HHAT: variants seen among roughly 807,000 people sequenced by gnomAD.
HHAT encodes the protein protein-cysteine N-palmitoyltransferase HHAT.
HHAT carries 47 observed loss-of-function variants against 70.8 expected under a neutral mutation model. The observed-to-expected ratio is 0.66, with a 90% CI of 0.53 to 0.85. The LOEUF (loss-of-function observed/expected upper bound fraction) is 0.85. HHAT is among the 40% of genes least tolerant of loss of function. The probability of loss-of-function intolerance (pLI) is 0.00; values close to 1 mark genes in which losing one functional copy is unlikely to be tolerated. For missense variants in HHAT, 609 were observed against 604.8 expected, an observed-to-expected ratio of 1.01 and a Z score of -0.07; for synonymous variants, 228 against 247.6, an observed-to-expected ratio of 0.92 and a Z score of 0.74.
At chr1:210,402,432 C>T (rs776042454) in intron 5 of HHAT, among the ~76,000 whole-genome samples, 7 of 152,142 alleles carry the variant, frequency 4.6e-5, no homozygotes, top group Non-Finnish European at 8.8e-5. Flanking sequence ...TACACATTTA[C>T]GTATGTTTAT....
intron 8 of HHAT, among the ~76,000 whole-genome samples, chr1:210,506,996 T>G (rs1375376603): frequency 6.6e-6 from 1 of 152,228 alleles, no homozygotes; most frequent in Non-Finnish European, 1.5e-5. Flanking sequence ...GCAGAGGTTA[T>G]GTGCTGTGCA....
intron 3 of HHAT, among the ~76,000 whole-genome samples, chr1:210,366,485 G>A (rs2088980557): frequency 6.6e-6 from 1 of 152,140 alleles, no homozygotes; most frequent in African/African-American, 2.4e-5. Context: ...ACAGCCAGGT[G>A]TGTGCCTGTA....
chr1:210,516,965 G>A (rs72749322), intron 9 of HHAT, among the ~76,000 whole-genome samples: 6,581 of 152,240 alleles, frequency 0.043, 176 homozygotes, highest in South Asian at 0.12. Context: ...TGAAATGTGG[G>A]CACTGTTGAT....
chr1:210,427,176 AT>A (rs1317219596), intron 7 of HHAT, among the ~76,000 whole-genome samples: 23 of 152,172 alleles, frequency 1.5e-4, no homozygotes, highest in Non-Finnish European at 4.4e-5. Context: ...CAGTGGTAAT[AT>A]CCCCCTTGTT....
At chr1:210,477,305 G>A (rs117923365) in intron 8 of HHAT, among the ~76,000 whole-genome samples, 11 of 152,196 alleles carry the variant, frequency 7.2e-5, no homozygotes, top group South Asian at 2.1e-4. Context: ...GATGCATTTG[G>A]CCTCCAATTA....
At chr1:210,440,712 A>G (rs890752577) in intron 7 of HHAT, among the ~76,000 whole-genome samples, 4 of 151,760 alleles carry the variant, frequency 2.6e-5, no homozygotes, top group African/African-American at 9.7e-5. Flanking sequence ...TTGATGAACA[A>G]TTTCAACACT....
intron 10 of HHAT, chr1:210,590,177 A>G (rs1393396659): frequency 6.6e-6 from 1 of 152,176 alleles, no homozygotes; most frequent in Non-Finnish European, 1.5e-5. Flanking sequence ...GCCCAGACAT[A>G]GAATCTTCCT....
At chr1:210,463,346 A>C (rs772102084) in intron 7 of HHAT, among the ~76,000 whole-genome samples, 2 of 152,254 alleles carry the variant, frequency 1.3e-5, no homozygotes, top group South Asian at 4.1e-4. Context: ...AGAAACCACT[A>C]GTCTACTTTG....
chr1:210,362,724 C>T (rs939004004), intron 2 of HHAT, 128 bp from the exon 3 acceptor site: 63 of 698,828 alleles, frequency 9.0e-5, no homozygotes, highest in Middle Eastern at 4.8e-4. Context: ...GGTATGTTTC[C>T]GTGCCTGCAC....
At chr1:210,464,199 T>C (rs1187411831) in intron 7 of HHAT, among the ~76,000 whole-genome samples, 3 of 152,300 alleles carry the variant, frequency 2.0e-5, no homozygotes, top group Middle Eastern at 6.8e-3. Context: ...GGAAGGATTT[T>C]CCCCTTCGTA....
At chr1:210,427,297 A>G (rs1163459798) in intron 7 of HHAT, among the ~76,000 whole-genome samples, 3 of 151,500 alleles carry the variant, frequency 2.0e-5, no homozygotes, top group African/African-American at 7.3e-5. Flanking sequence ...CAAGTCTCTA[A>G]TCCTTTCAGT....
At chr1:210,671,297 A>G (rs1438789056) in intron 11 of HHAT, among the ~76,000 whole-genome samples, 1 of 151,998 alleles carries the variant, frequency 6.6e-6, no homozygotes, top group Non-Finnish European at 1.5e-5. Context: ...CGCTCCCCTC[A>G]TCCTGCTCCC....
intron 3 of HHAT, 105 bp downstream of exon 3, chr1:210,363,024 C>A: frequency 1.0e-6 from 1 of 987,178 alleles, no homozygotes; most frequent in Non-Finnish European, 1.6e-6. Flanking sequence ...CAGCAGCAAT[C>A]TGGAATGAAG....
At chr1:210,483,172 A>G (rs961825788) in intron 8 of HHAT, among the ~76,000 whole-genome samples, 1 of 152,066 alleles carries the variant, frequency 6.6e-6, no homozygotes, top group Admixed American at 6.6e-5. Flanking sequence ...GACTCTTTCT[A>G]CTATTCTTTT....
chr1:210,458,282 A>G (rs1182725592), intron 7 of HHAT, among the ~76,000 whole-genome samples: 1 of 152,206 alleles, frequency 6.6e-6, no homozygotes, highest in African/African-American at 2.4e-5. Context: ...GGGATAATAT[A>G]CATGAAAGTG....
At chr1:210,438,525 C>T (rs1165611715) in intron 7 of HHAT, among the ~76,000 whole-genome samples, 1 of 151,734 alleles carries the variant, frequency 6.6e-6, no homozygotes, top group Non-Finnish European at 1.5e-5. Context: ...ATGTTTATTT[C>T]TGATATGCTC....
intron 11 of HHAT, among the ~76,000 whole-genome samples, chr1:210,629,828 T>A (rs1265345739): frequency 4.4e-4 from 1 of 2,268 alleles, no homozygotes; most frequent in African/African-American, 7.4e-4. Context: ...CCTGTTTCTG[T>A]TTTTTTTTTG....
intron 2 of HHAT, among the ~76,000 whole-genome samples, chr1:210,351,880 G>C (rs2087059481): frequency 6.6e-6 from 1 of 152,228 alleles, no homozygotes; most frequent in Non-Finnish European, 1.5e-5. Flanking sequence ...CACAGGGCCA[G>C]TCCAGATTGA....
At chr1:210,424,703 G>A (rs2093009564) in intron 7 of HHAT, among the ~76,000 whole-genome samples, 1 of 152,042 alleles carries the variant, frequency 6.6e-6, no homozygotes, top group South Asian at 2.1e-4. Context: ...TGGCTGCATA[G>A]TATTCCATGG....
Sources: allele counts gnomAD v4.1 joint callset (sites outside exome capture counted in the v4.1 genomes callset), GRCh38; gene constraint gnomAD v4.1.1; transcripts MANE v1.5; gene names NCBI Gene and HGNC (gene_info 2026-07-23, HGNC 2026-07-21).